Variants in KCNIP1 observed in about 807,000 individuals in gnomAD.
KCNIP1 encodes the protein potassium voltage-gated channel interacting protein 1.
In KCNIP1, 18 loss-of-function variants were observed where a neutral mutation model predicts 33.0. That is an observed-to-expected ratio of 0.55 (90% CI 0.38 to 0.81). KCNIP1 has a LOEUF of 0.81. Among genes scored for constraint, KCNIP1 ranks in the 30% least tolerant of loss-of-function variants. The probability of loss-of-function intolerance (pLI) is 0.00; values close to 1 mark genes in which losing one functional copy is unlikely to be tolerated. For synonymous variants in KCNIP1, 93 were observed against 98.3 expected (o/e 0.95, Z 0.32); for missense variants, 238 against 271.6 (o/e 0.88, Z 0.87).
chr5:170,665,722 C>T (rs76817821), intron 1 of KCNIP1, among the ~76,000 whole-genome samples: 3 of 119,062 alleles, frequency 2.5e-5, no homozygotes, highest in Non-Finnish European at 5.4e-5. Flanking sequence ...AGGCATGTCT[C>T]CTTAGACTCT....
chr5:170,699,550 C>T (rs1251055354), intron 1 of KCNIP1, among the ~76,000 whole-genome samples: 1 of 132,888 alleles, frequency 7.5e-6, no homozygotes, highest in African/African-American at 2.9e-5. Context: ...AATTAAATTG[C>T]TCTGTGAAAA....
At chr5:170,541,208 C>T (rs1262668675) in intron 1 of KCNIP1, among the ~76,000 whole-genome samples, 2 of 152,156 alleles carry the variant, frequency 1.3e-5, no homozygotes, top group Admixed American at 1.3e-4. Flanking sequence ...AGGTCCCTTC[C>T]ATACAGCTGC....
At chr5:170,630,157 G>A (rs1760000699) in intron 1 of KCNIP1, among the ~76,000 whole-genome samples, 1 of 152,202 alleles carries the variant, frequency 6.6e-6, no homozygotes, top group Non-Finnish European at 1.5e-5. Context: ...GAGGGATACA[G>A]AGAAGATCTA....
chr5:170,639,182 T>G (rs762525832), intron 1 of KCNIP1: 2 of 152,166 alleles, frequency 1.3e-5, no homozygotes, highest in Non-Finnish European at 2.9e-5. Context: ...CATCTTTAAT[T>G]TCCCCTCCAG....
chr5:170,495,300 C>T (rs1279827153), intron 1 of KCNIP1, among the ~76,000 whole-genome samples: 2 of 152,164 alleles, frequency 1.3e-5, no homozygotes, highest in East Asian at 3.9e-4. Flanking sequence ...CTGGGGCCTC[C>T]CAGGCTCTAG....
chr5:170,522,738 CG>C (rs1755409724), intron 1 of KCNIP1, among the ~76,000 whole-genome samples: 1 of 152,244 alleles, frequency 6.6e-6, no homozygotes, highest in Non-Finnish European at 1.5e-5. Context: ...CCACACCCCA[CG>C]GGTCTGGGTC....
At chr5:170,599,838 A>G (rs1035713971) in intron 1 of KCNIP1, among the ~76,000 whole-genome samples, 4 of 152,260 alleles carry the variant, frequency 2.6e-5, no homozygotes, top group South Asian at 2.1e-4. Context: ...GGACTTAGTC[A>G]AACAAGCACT....
At chr5:170,358,899 G>A (rs531969863) in intron 1 of KCNIP1, among the ~76,000 whole-genome samples, 19 of 152,314 alleles carry the variant, frequency 1.2e-4, no homozygotes, top group Middle Eastern at 6.8e-3. Context: ...TGCACTCCTA[G>A]GGCTGGAGAA....
intron 1 of KCNIP1, among the ~76,000 whole-genome samples, chr5:170,665,790 A>T (rs1761680002): frequency 6.6e-6 from 1 of 152,164 alleles, no homozygotes; most frequent in Non-Finnish European, 1.5e-5. Flanking sequence ...GACAATATTA[A>T]GGAGATATTG....
chr5:170,638,162 C>T (rs998793742), intron 1 of KCNIP1, among the ~76,000 whole-genome samples: 2 of 152,206 alleles, frequency 1.3e-5, no homozygotes, highest in Non-Finnish European at 2.9e-5. Context: ...AACCCCACCT[C>T]TGACCTTAGC....
intron 1 of KCNIP1, among the ~76,000 whole-genome samples, chr5:170,492,052 C>T (rs1402508652): frequency 6.6e-6 from 1 of 152,152 alleles, no homozygotes; most frequent in African/African-American, 2.4e-5. Flanking sequence ...TCTGGGTACC[C>T]AACAATTCAA....
intron 1 of KCNIP1, among the ~76,000 whole-genome samples, chr5:170,446,261 T>C (rs1480996261): frequency 6.6e-6 from 1 of 152,202 alleles, no homozygotes; most frequent in Non-Finnish European, 1.5e-5. Context: ...TTCTGAAGGT[T>C]GCTGCTATTG....
chr5:170,692,748 C>T (rs887426019), intron 1 of KCNIP1, among the ~76,000 whole-genome samples: 2 of 152,286 alleles, frequency 1.3e-5, no homozygotes, highest in Middle Eastern at 3.4e-3. Context: ...TATATCTTCT[C>T]TTTCTGAAAA....
At chr5:170,368,554 T>C (rs1763760926) in intron 1 of KCNIP1, among the ~76,000 whole-genome samples, 1 of 152,220 alleles carries the variant, frequency 6.6e-6, no homozygotes, top group African/African-American at 2.4e-5. Context: ...TGAGCCACCG[T>C]GCCCGGCCTA....
intron 1 of KCNIP1, among the ~76,000 whole-genome samples, chr5:170,713,843 GAA>G (rs1439342140): frequency 6.6e-6 from 1 of 151,898 alleles, no homozygotes; most frequent in Non-Finnish European, 1.5e-5. Flanking sequence ...CTAACGTGGT[GAA>G]AACCCGTTTC....
intron 1 of KCNIP1, among the ~76,000 whole-genome samples, chr5:170,711,887 G>A (rs1389564982): frequency 6.6e-6 from 1 of 152,202 alleles, no homozygotes; most frequent in East Asian, 1.9e-4. Context: ...AAGAGCAGCA[G>A]GAAAATAAGC....
At chr5:170,666,304 G>C (rs1485902649) in intron 1 of KCNIP1, among the ~76,000 whole-genome samples, 1 of 152,096 alleles carries the variant, frequency 6.6e-6, no homozygotes. Flanking sequence ...CCGTCATTGA[G>C]GGGTTTGGGT....
intron 1 of KCNIP1, among the ~76,000 whole-genome samples, chr5:170,559,120 C>CA (rs2113448465): frequency 6.6e-6 from 1 of 152,328 alleles, no homozygotes; most frequent in Admixed American, 6.5e-5. Flanking sequence ...CCAGTTTCAA[C>CA]ATCACTCCTC....
chr5:170,434,058 G>A (rs930108212), intron 1 of KCNIP1, among the ~76,000 whole-genome samples: 9 of 152,074 alleles, frequency 5.9e-5, no homozygotes, highest in East Asian at 1.9e-4. Context: ...TTCTCATCAC[G>A]CTTAAGAAAA....
Sources: allele counts gnomAD v4.1 joint callset (sites outside exome capture counted in the v4.1 genomes callset), GRCh38; gene constraint gnomAD v4.1.1; transcripts MANE v1.5; gene names NCBI Gene and HGNC (gene_info 2026-07-23, HGNC 2026-07-21).